Variants in EPHA3 observed in about 807,000 individuals in gnomAD.
The protein encoded by EPHA3 is ephrin type-A receptor 3.
EPHA3 carries 42 observed loss-of-function variants against 107.1 expected under a neutral mutation model. The ratio of observed to expected loss-of-function variants is 0.39; its 90% CI spans 0.31 to 0.51. The LOEUF (loss-of-function observed/expected upper bound fraction) is 0.51, where lower values mean the gene tolerates loss of function less well. EPHA3 is among the 20% of genes least tolerant of loss of function. EPHA3 has a pLI of 0.78. For missense variants in EPHA3, 1,183 were observed against 1,211.2 expected (o/e 0.98, Z 0.35); for synonymous variants, 461 against 424.8 (o/e 1.09, Z -1.05).
At chr3:89,149,782 C>T (rs752000195) in intron 2 of EPHA3, among the ~76,000 whole-genome samples, 2 of 151,646 alleles carry the variant, frequency 1.3e-5, no homozygotes, top group African/African-American at 2.4e-5. Context: ...TTATAAGAAA[C>T]TAAAATTAAG....
intron 3 of EPHA3, among the ~76,000 whole-genome samples, chr3:89,250,066 C>T (rs1705126088): frequency 6.6e-6 from 1 of 152,172 alleles, no homozygotes; most frequent in Non-Finnish European, 1.5e-5. Flanking sequence ...GATCTTTTCA[C>T]CTGGACAATT....
chr3:89,160,587 T>C lies in EPHA3; in HGVS notation c.153+33314T>C, dbSNP rs867316409. 1.1e-3 allele frequency among the ~76,000 whole-genome samples: 147 copies of C among 135,144 alleles called. 1 individual carries two copies. Among genetic ancestry groups the C allele is most frequent in the Middle Eastern group, 7.2e-3 (2 of 276 alleles). 88.7% of individuals were successfully genotyped at this position (135,144 alleles called of 152,430 possible). On this transcript the variant is annotated intron_variant, in intron 2 of 16. Coordinates refer to ENST00000336596, the MANE Select transcript of EPHA3 (RefSeq NM_005233.6). ...GTGTGTGTGTGTGTGTGTGTGTGTG[T>C]GTGCGCGCATTCTTTTTCTGTGTGT... is the stretch of plus-strand genomic sequence containing the variant.
At chr3:89,246,650 C>T (rs1219658172) in intron 3 of EPHA3, among the ~76,000 whole-genome samples, 1 of 152,146 alleles carries the variant, frequency 6.6e-6, no homozygotes, top group South Asian at 2.1e-4. Context: ...ATATCAATTG[C>T]TACTCTGCCC....
chr3:89,395,083 T>C (rs1333177492), intron 5 of EPHA3, among the ~76,000 whole-genome samples: 2 of 152,238 alleles, frequency 1.3e-5, no homozygotes, highest in African/African-American at 2.4e-5. Flanking sequence ...TTTTTATTCA[T>C]ATTCCATACT....
intron 3 of EPHA3, among the ~76,000 whole-genome samples, chr3:89,223,570 T>C (rs1446700977): frequency 2.0e-5 from 3 of 152,224 alleles, no homozygotes; most frequent in Non-Finnish European, 4.4e-5. Context: ...CCTAGACTAG[T>C]AATAAACCTG....
At chr3:89,474,237 G>C (rs537592818) in intron 16 of EPHA3, among the ~76,000 whole-genome samples, 3 of 152,092 alleles carry the variant, frequency 2.0e-5, no homozygotes, top group Non-Finnish European at 4.4e-5. Context: ...AACAGTTTAC[G>C]ATTATTGAAG....
intron 3 of EPHA3, among the ~76,000 whole-genome samples, chr3:89,234,383 G>C (rs1704703513): frequency 6.6e-6 from 1 of 152,134 alleles, no homozygotes; most frequent in Admixed American, 6.5e-5. Context: ...CTGCAAAACT[G>C]TTTGGAAAAC....
chr3:89,140,040 G>A (rs1291214662), intron 2 of EPHA3, among the ~76,000 whole-genome samples: 2 of 151,644 alleles, frequency 1.3e-5, no homozygotes, highest in Non-Finnish European at 3.0e-5. Flanking sequence ...AGGTTGTATA[G>A]GATTATTATT....
chr3:89,460,815 C>T (rs894168903), intron 15 of EPHA3, among the ~76,000 whole-genome samples: 2 of 129,132 alleles, frequency 1.5e-5, no homozygotes, highest in African/African-American at 6.3e-5. Flanking sequence ...AGTGATCTCT[C>T]TGTCTCTCTT....
intron 15 of EPHA3, among the ~76,000 whole-genome samples, chr3:89,450,593 G>T (rs1413290314): frequency 6.6e-6 from 1 of 151,912 alleles, no homozygotes; most frequent in African/African-American, 2.4e-5. Flanking sequence ...CATCTATCTT[G>T]ACTCTACATT....
chr3:89,419,582 T>C (rs1258762813), intron 11 of EPHA3, among the ~76,000 whole-genome samples, 192 bp downstream of exon 11: 1 of 151,360 alleles, frequency 6.6e-6, no homozygotes, highest in Non-Finnish European at 1.5e-5. Context: ...TTGACAGTAC[T>C]GTTTTAGACC....
At position 89,148,284 on chromosome 3, in the gene EPHA3, C is replaced by T. The variant is rs190973237; in HGVS notation, c.153+21011C>T. Among the ~76,000 whole-genome samples, 28 of 152,006 alleles carry T rather than the reference C, an allele frequency of 1.8e-4. No individual in the cohort carries two copies. In the East Asian group the frequency reaches 2.7e-3, roughly 15 times the overall value. ...TTATTACTGAGAATAAGAGTCTATT[C>T]AAGTACCTGTTTTTAAAGTATCTAA... is the stretch of plus-strand genomic sequence containing the variant. On this transcript the variant is annotated intron_variant, in intron 2 of 16. Coordinates refer to ENST00000336596, the MANE Select transcript of EPHA3 (RefSeq NM_005233.6).
At chr3:89,342,189 A>G (rs1277860067) in intron 5 of EPHA3, 99 bp downstream of exon 5, 17 of 1,085,390 alleles carry the variant, frequency 1.6e-5, no homozygotes, top group Non-Finnish European at 1.8e-5. Context: ...AAAAGATTTT[A>G]TAGAACCCCA....
intron 3 of EPHA3, among the ~76,000 whole-genome samples, chr3:89,246,577 A>G (rs1422559284): frequency 3.9e-5 from 6 of 152,250 alleles, no homozygotes; most frequent in South Asian, 2.1e-4. Flanking sequence ...AAGGGACACA[A>G]TGAAGTTGCC....
chr3:89,354,294 A>G (rs1318976755), intron 5 of EPHA3, among the ~76,000 whole-genome samples: 1 of 151,284 alleles, frequency 6.6e-6, no homozygotes, highest in East Asian at 1.9e-4. Flanking sequence ...ATTTAGAAAG[A>G]AAGAAAATGT....
intron 15 of EPHA3, among the ~76,000 whole-genome samples, chr3:89,468,465 C>T (rs564727732): frequency 6.6e-6 from 1 of 152,264 alleles, no homozygotes; most frequent in African/African-American, 2.4e-5. Context: ...TGCTATTAGG[C>T]ACACTTCATA....
chr3:89,209,785 G>T, intron 2 of EPHA3, 75 bp from the exon 3 acceptor site: 6 of 1,242,344 alleles, frequency 4.8e-6, no homozygotes, highest in Non-Finnish European at 6.7e-6. Context: ...TATAGAGATG[G>T]CTCTGACACC....
intron 3 of EPHA3, among the ~76,000 whole-genome samples, chr3:89,316,933 T>C (rs1468561365): frequency 6.6e-6 from 1 of 151,668 alleles, no homozygotes; most frequent in Non-Finnish European, 1.5e-5. Context: ...AGTATAAATA[T>C]ATGAAAATAA....
chr3:89,360,576 C>G (rs1708073102), intron 5 of EPHA3, among the ~76,000 whole-genome samples: 1 of 150,988 alleles, frequency 6.6e-6, no homozygotes, highest in Non-Finnish European at 1.5e-5. Flanking sequence ...AACATGCCTT[C>G]AACATATCAC....
Sources: allele counts gnomAD v4.1 joint callset (sites outside exome capture counted in the v4.1 genomes callset), GRCh38; gene constraint gnomAD v4.1.1; transcripts MANE v1.5; gene names NCBI Gene and HGNC (gene_info 2026-07-23, HGNC 2026-07-21).